The following TNRC6B variants were observed in gnomAD, a reference collection of about 807,000 sequenced individuals.
TNRC6B encodes the protein trinucleotide repeat containing adaptor 6B.
A neutral mutation model predicts 203.6 loss-of-function variants in TNRC6B; 52 were observed. The ratio of observed to expected loss-of-function variants is 0.26; its 90% CI spans 0.20 to 0.32. The LOEUF is 0.32. Ranked by LOEUF, TNRC6B falls within the 10% of genes least tolerant of loss-of-function variation. The pLI is 1.00. For missense variants in TNRC6B, 1,923 were observed against 2,286.2 expected (o/e 0.84, Z 3.24); for synonymous variants, 838 against 845.7 (o/e 0.99, Z 0.16).
At chr22:40,248,036 C>G (rs2070132981) in intron 2 of TNRC6B, among the ~76,000 whole-genome samples, 1 of 151,672 alleles carries the variant, frequency 6.6e-6, no homozygotes, top group African/African-American at 2.4e-5. Context: ...GATTGCACCA[C>G]TGCACCCCAG....
chr22:40,092,428 T>A (rs1234513579), intron 1 of TNRC6B, among the ~76,000 whole-genome samples: 1 of 151,790 alleles, frequency 6.6e-6, no homozygotes, highest in Non-Finnish European at 1.5e-5. Flanking sequence ...ATTTGAAAAG[T>A]CTATAATATT....
At chr22:40,153,079 C>T (rs2068774001) in intron 3 of TNRC6B, among the ~76,000 whole-genome samples, 1 of 151,940 alleles carries the variant, frequency 6.6e-6, no homozygotes, top group African/African-American at 2.4e-5. Flanking sequence ...CCAGCCTGGG[C>T]AACAGAACGA....
chr22:40,150,987 C>T (rs868349204), intron 3 of TNRC6B, among the ~76,000 whole-genome samples: 12 of 152,068 alleles, frequency 7.9e-5, no homozygotes, highest in Middle Eastern at 3.2e-3. Flanking sequence ...TTTAGGGTCT[C>T]GCTCTTAAAT....
intron 15 of TNRC6B, among the ~76,000 whole-genome samples, chr22:40,303,255 A>ACC (rs1023849349): frequency 6.6e-6 from 1 of 151,292 alleles, no homozygotes; most frequent in African/African-American, 2.4e-5. Flanking sequence ...TGAACTCCTG[A>ACC]CCTCAGGTGA....
intron 3 of TNRC6B, among the ~76,000 whole-genome samples, chr22:40,132,554 A>T (rs2068556184): frequency 6.7e-6 from 1 of 148,936 alleles, no homozygotes; most frequent in African/African-American, 2.5e-5. Flanking sequence ...CTGAGGCAGG[A>T]GAATTGCTTG....
Position 40,135,885 on chromosome 22 carries a change from A to T in TNRC6B, c.45+10023A>T, listed in dbSNP as rs77752344. Among the ~76,000 whole-genome samples, 1,329 of 152,324 alleles carry T rather than the reference A, an allele frequency of 8.7e-3. 9 individuals carry two copies. The highest frequency in any genetic ancestry group is 0.034 in the Middle Eastern group (10 of 292). On this transcript the variant is annotated intron_variant, in intron 3 of 23. Coordinates refer to the TNRC6B transcript ENST00000301923. ...GTGTTAGGATAACTGGTGTTGATGT[A>T]GAGAGGGTAGGTAGACTAGAATATC... is the stretch of plus-strand genomic sequence containing the variant.
rs572102082 is a variant in TNRC6B at position 40,082,013 on chromosome 22, G to A, written c.-120-35042G>A. ...ACTGAGTTTTTATCACAAGCTAGCC[G>A]CAGTGCGAGGCCCTGGGTGTATATA... On this transcript the variant is annotated intron_variant, in intron 1 of 23. Transcript: ENST00000301923. 1.4e-4 allele frequency among the ~76,000 whole-genome samples: 22 copies of A among 152,008 alleles called. 2 individuals are homozygous for A. The highest frequency in any genetic ancestry group is 9.8e-4 in the Admixed American group (15 of 15,260).
At chr22:40,276,924 TTAAAC>T (rs2070652634) in intron 7 of TNRC6B, 148 bp from the exon 8 acceptor site, 2 of 485,614 alleles carry the variant, frequency 4.1e-6, no homozygotes, top group Non-Finnish European at 7.0e-6. Context: ...TATTAATCAT[TTAAAC>T]TAACATAAAA....
intron 1 of TNRC6B, among the ~76,000 whole-genome samples, chr22:40,072,299 G>A (rs891020370): frequency 3.3e-5 from 5 of 152,202 alleles, no homozygotes; most frequent in Non-Finnish European, 5.9e-5. Flanking sequence ...CTAACGGAGC[G>A]CTTACTTAAG....
chr22:40,079,101 CAG>C (rs1408322280), intron 1 of TNRC6B, among the ~76,000 whole-genome samples: 2 of 151,624 alleles, frequency 1.3e-5, no homozygotes, highest in Non-Finnish European at 2.9e-5. Context: ...GAAAAAGAAA[CAG>C]GGTTTCGCCG....
At chr22:40,086,484 C>T (rs947444608) in intron 1 of TNRC6B, among the ~76,000 whole-genome samples, 1 of 152,134 alleles carries the variant, frequency 6.6e-6, no homozygotes, top group African/African-American at 2.4e-5. Flanking sequence ...AGTGTCCTTC[C>T]TTTTGGTATG....
At chr22:40,181,972 G>A (rs1422798480) in intron 1 of TNRC6B, among the ~76,000 whole-genome samples, 2 of 150,260 alleles carry the variant, frequency 1.3e-5, no homozygotes, top group African/African-American at 2.5e-5. Context: ...CCAGCCGGGC[G>A]TGGTGGCTCA....
At chr22:40,201,778 A>G (rs2069415496) in intron 1 of TNRC6B, among the ~76,000 whole-genome samples, 1 of 152,056 alleles carries the variant, frequency 6.6e-6, no homozygotes, top group South Asian at 2.1e-4. Flanking sequence ...AAAATGCTCT[A>G]CAACCCAAAA....
At chr22:40,122,988 C>G (rs1048768012) in intron 2 of TNRC6B, among the ~76,000 whole-genome samples, 6 of 152,188 alleles carry the variant, frequency 3.9e-5, no homozygotes, top group Non-Finnish European at 8.8e-5. Flanking sequence ...AGGTTCCAGT[C>G]ACTGCCCCTT....
chr22:40,191,947 C>A (rs1331559765), intron 1 of TNRC6B, among the ~76,000 whole-genome samples: 1 of 152,178 alleles, frequency 6.6e-6, no homozygotes, highest in Admixed American at 6.5e-5. Context: ...GACGGGGTTT[C>A]GCCATGTTGG....
At chr22:40,107,862 C>CA (rs1448657969) in intron 1 of TNRC6B, among the ~76,000 whole-genome samples, 3 of 151,112 alleles carry the variant, frequency 2.0e-5, no homozygotes, top group African/African-American at 7.3e-5. Context: ...AAACCGCATC[C>CA]AGAATGCTTT....
chr22:40,087,383 A>G (rs1373608995), intron 1 of TNRC6B, among the ~76,000 whole-genome samples: 1 of 152,218 alleles, frequency 6.6e-6, no homozygotes, highest in Non-Finnish European at 1.5e-5. Flanking sequence ...TCATTAATTC[A>G]GTTATTCATT....
At chr22:40,047,248 G>A (rs1337477989) in intron 1 of TNRC6B, among the ~76,000 whole-genome samples, 1 of 152,156 alleles carries the variant, frequency 6.6e-6, no homozygotes, top group East Asian at 1.9e-4. Flanking sequence ...GCACTGAAAA[G>A]TAGAGAGGAA....
chr22:40,122,983 C>G (rs2068458633), intron 2 of TNRC6B, among the ~76,000 whole-genome samples: 1 of 152,146 alleles, frequency 6.6e-6, no homozygotes, highest in Admixed American at 6.5e-5. Context: ...CCTCCAGGTT[C>G]CAGTCACTGC....
Sources: allele counts gnomAD v4.1 joint callset (sites outside exome capture counted in the v4.1 genomes callset), GRCh38; gene constraint gnomAD v4.1.1; transcripts MANE v1.5; gene names NCBI Gene and HGNC (gene_info 2026-07-23, HGNC 2026-07-21).